The following PALM2AKAP2 variants were observed in gnomAD, a reference collection of about 807,000 sequenced individuals.
The protein encoded by PALM2AKAP2 is PALM2-AKAP2 fusion protein.
A neutral mutation model predicts 71.5 loss-of-function variants in PALM2AKAP2; 37 were observed. That is an observed-to-expected ratio of 0.52 (90% CI 0.40 to 0.68). The LOEUF (loss-of-function observed/expected upper bound fraction) is 0.68. PALM2AKAP2 is among the 30% of genes least tolerant of loss of function. The pLI is 0.00. For synonymous variants in PALM2AKAP2, 468 were observed against 478.8 expected (o/e 0.98, Z 0.29); for missense variants, 1,224 against 1,191.8 (o/e 1.03, Z -0.40).
intron 1 of PALM2AKAP2, among the ~76,000 whole-genome samples, chr9:109,850,470 C>T (rs974396589): frequency 2.0e-5 from 3 of 152,080 alleles, no homozygotes; most frequent in Admixed American, 2.0e-4. Flanking sequence ...GTTTATCACC[C>T]ATGTCCTTGG....
intron 1 of PALM2AKAP2, among the ~76,000 whole-genome samples, chr9:109,857,150 C>T (rs778640843): frequency 5.3e-5 from 8 of 152,214 alleles, no homozygotes; most frequent in Non-Finnish European, 1.2e-4. Flanking sequence ...TCTGCCCCTT[C>T]CTCCTCCTGT....
At chr9:109,720,299 T>A (rs1828385814) in intron 1 of PALM2AKAP2, among the ~76,000 whole-genome samples, 1 of 151,938 alleles carries the variant, frequency 6.6e-6, no homozygotes. Flanking sequence ...TATATTTTCA[T>A]TCTTTAGTTC....
At chr9:109,864,629 T>G (rs1453042123) in intron 1 of PALM2AKAP2, among the ~76,000 whole-genome samples, 1 of 152,200 alleles carries the variant, frequency 6.6e-6, no homozygotes, top group Non-Finnish European at 1.5e-5. Flanking sequence ...AATAAAGTTT[T>G]ATTAGAACAC....
chr9:109,657,970 G>A (rs1827332289), intron 1 of PALM2AKAP2, among the ~76,000 whole-genome samples: 1 of 149,146 alleles, frequency 6.7e-6, no homozygotes, highest in South Asian at 2.2e-4. Context: ...GTGTGTGTGT[G>A]TGTGTCAGGT....
intron 1 of PALM2AKAP2, among the ~76,000 whole-genome samples, chr9:109,851,673 C>G (rs1829025092): frequency 1.3e-5 from 2 of 152,170 alleles, no homozygotes; most frequent in Non-Finnish European, 2.9e-5. Flanking sequence ...CTGAACTTCA[C>G]CATCATGATC....
intron 1 of PALM2AKAP2, among the ~76,000 whole-genome samples, chr9:110,097,401 CT>C (rs1420621176): frequency 2.9e-3 from 436 of 149,446 alleles, no homozygotes; most frequent in African/African-American, 0.011. Context: ...TTTTCCCCAC[CT>C]TTCCCCCCTT....
At chr9:109,874,350 G>A (rs1265663714) in intron 2 of PALM2AKAP2, among the ~76,000 whole-genome samples, 1 of 152,220 alleles carries the variant, frequency 6.6e-6, no homozygotes, top group African/African-American at 2.4e-5. Flanking sequence ...ATTCTTGGGT[G>A]ATCTTACACA....
intron 6 of PALM2AKAP2, among the ~76,000 whole-genome samples, chr9:109,987,085 A>G (rs968024010): frequency 6.6e-6 from 1 of 152,154 alleles, no homozygotes; most frequent in Non-Finnish European, 1.5e-5. Flanking sequence ...TTACATTGTC[A>G]GGATCATGCA....
chr9:109,742,903 C>T (rs563497518), intron 1 of PALM2AKAP2, among the ~76,000 whole-genome samples: 3 of 152,290 alleles, frequency 2.0e-5, no homozygotes, highest in South Asian at 4.1e-4. Flanking sequence ...CCACAAAAAG[C>T]ATGCTTGTCA....
In PALM2AKAP2 at chr9:110,052,933, C is replaced by G. The variant is rs545893744; in HGVS notation, c.156+4078C>G. Among the ~76,000 whole-genome samples the G allele has an allele frequency of 3.9e-5, 6 of 152,350 alleles. No homozygotes were observed. In the South Asian group the frequency reaches 1.2e-3, roughly 32 times the overall value. ...GAAACCTCCAGTATAAACTTAATTT[C>G]TGTCATTTGCCCCATTTTCTTGAAA... is the stretch of plus-strand genomic sequence containing the variant. On this transcript the variant is annotated intron_variant, in intron 1 of 3. Coordinates refer to ENST00000374525, the Ensembl canonical transcript of PALM2AKAP2.
intron 3 of PALM2AKAP2, among the ~76,000 whole-genome samples, chr9:109,923,432 C>T (rs757890676): frequency 6.6e-6 from 1 of 152,150 alleles, no homozygotes; most frequent in Non-Finnish European, 1.5e-5. Flanking sequence ...ATATAATCTC[C>T]CTCCAAATAA....
intron 1 of PALM2AKAP2, among the ~76,000 whole-genome samples, chr9:109,844,681 G>A (rs1828801313): frequency 6.6e-6 from 1 of 152,216 alleles, no homozygotes; most frequent in Admixed American, 6.5e-5. Context: ...GCTCTCACAT[G>A]TGCATGTGTA....
chr9:109,714,840 G>A lies in PALM2AKAP2; in HGVS notation c.6-65648G>A, dbSNP rs1312833472. Among the ~76,000 whole-genome samples, 3 of 152,264 alleles carry A rather than the reference G, an allele frequency of 2.0e-5. No homozygotes were observed. In the East Asian group the frequency reaches 5.8e-4, roughly 29 times the overall value. On this transcript the variant is annotated intron_variant, in intron 1 of 6. Coordinates refer to the PALM2AKAP2 transcript ENST00000374531. ...TGACTGGTGGATGAGGAGGAATAAC[G>A]GCCCCATCTCCTAGCCATGAAGCAA...
At chr9:110,148,693 C>G (rs567577768) in intron 2 of PALM2AKAP2, 2 of 152,372 alleles carry the variant, frequency 1.3e-5, no homozygotes, top group African/African-American at 4.8e-5. Context: ...CTGGCTTAGG[C>G]ATGTCCTCTG....
At chr9:109,954,259 C>G (rs865917549) in intron 6 of PALM2AKAP2, among the ~76,000 whole-genome samples, 10 of 152,136 alleles carry the variant, frequency 6.6e-5, no homozygotes, top group African/African-American at 2.4e-4. Context: ...TATTTCACCA[C>G]TGTCATAACA....
chr9:109,976,038 A>AT (rs1172487475), intron 6 of PALM2AKAP2, among the ~76,000 whole-genome samples: 2 of 152,154 alleles, frequency 1.3e-5, no homozygotes, highest in African/African-American at 2.4e-5. Context: ...TATTGGAAGC[A>AT]TTTTTTCTGA....
Position 109,936,641 on chromosome 9 carries a change from A to G in PALM2AKAP2, c.496+4613A>G, listed in dbSNP as rs746223138. Among the ~76,000 whole-genome samples, 3 of 152,196 alleles carry G rather than the reference A, an allele frequency of 2.0e-5. No individual in the cohort carries two copies. In the South Asian group the frequency reaches 6.2e-4, roughly 31 times the overall value. ...TGACCCCCCATGGATGACACTTATG[A>G]TCTGCTTCTCTCCTACTGTACTTTA... On this transcript the variant is annotated intron_variant, in intron 6 of 9. Coordinates refer to the PALM2AKAP2 transcript ENST00000302798.
intron 1 of PALM2AKAP2, among the ~76,000 whole-genome samples, chr9:110,070,931 G>A (rs1240598003): frequency 2.0e-5 from 3 of 152,090 alleles, no homozygotes; most frequent in Non-Finnish European, 4.4e-5. Context: ...GGAGGCTGAC[G>A]TGGGTGGATC....
chr9:110,136,601 C>G, exon 2 of PALM2AKAP2: 1 of 1,613,966 alleles, frequency 6.2e-7, no homozygotes, highest in Middle Eastern at 1.6e-4. Flanking sequence ...TAATAGCAGC[C>G]CTGACCCCAT....
Sources: gnomAD v4.1 joint callset for allele counts (sites outside exome capture counted in the v4.1 genomes callset) on GRCh38, gnomAD v4.1.1 for gene constraint, MANE v1.5 for transcripts, NCBI Gene and HGNC (gene_info 2026-07-23, HGNC 2026-07-21) for gene names.